CPA6: variants seen among roughly 807,000 people sequenced by gnomAD.
The protein encoded by CPA6 is carboxypeptidase A6, also known as carboxypeptidase B.
A neutral mutation model predicts 63.3 loss-of-function variants in CPA6; 58 were observed. The ratio of observed to expected loss-of-function variants is 0.92; its 90% CI spans 0.74 to 1.14. CPA6 has a LOEUF of 1.14. CPA6 is among the 50% of genes most tolerant of loss of function. CPA6 has a pLI of 0.00. For missense variants in CPA6, 565 were observed against 526.6 expected, an observed-to-expected ratio of 1.07 and a Z score of -0.71; for synonymous variants, 185 against 179.0, an observed-to-expected ratio of 1.03 and a Z score of -0.27.
chr8:67,679,693 A>T (rs1816552193), intron 1 of CPA6, among the ~76,000 whole-genome samples: 1 of 152,202 alleles, frequency 6.6e-6, no homozygotes, highest in Admixed American at 6.5e-5. Flanking sequence ...ACCAAGGGGA[A>T]CTGCTTGGCC....
chr8:67,519,680 G>A (rs1046540884), intron 2 of CPA6, among the ~76,000 whole-genome samples: 4 of 152,282 alleles, frequency 2.6e-5, no homozygotes, highest in East Asian at 3.9e-4. Flanking sequence ...AACAATCAGC[G>A]CACAACGGAA....
intron 4 of CPA6, among the ~76,000 whole-genome samples, chr8:67,511,284 C>T (rs1265138147): frequency 5.3e-5 from 8 of 152,114 alleles, no homozygotes; most frequent in African/African-American, 1.4e-4. Context: ...ATTGTGCTTC[C>T]TATGTCCTAT....
intron 8 of CPA6, among the ~76,000 whole-genome samples, chr8:67,469,451 C>T (rs541695521): frequency 3.9e-5 from 6 of 152,152 alleles, no homozygotes; most frequent in East Asian, 1.9e-4. Flanking sequence ...ACTAAAAATA[C>T]GAAAATTAGC....
chr8:67,496,154 C>G (rs1333749205), intron 6 of CPA6, among the ~76,000 whole-genome samples: 2 of 152,080 alleles, frequency 1.3e-5, no homozygotes, highest in Non-Finnish European at 2.9e-5. Flanking sequence ...TTTCTAATTC[C>G]TTAATTCCTT....
chr8:67,635,075 A>T (rs1371989905), intron 1 of CPA6, among the ~76,000 whole-genome samples: 2 of 151,272 alleles, frequency 1.3e-5, no homozygotes, highest in East Asian at 3.9e-4. Flanking sequence ...AATTTTGTAG[A>T]CAGGGTCTTG....
chr8:67,670,410 T>C (rs7002184), intron 1 of CPA6, among the ~76,000 whole-genome samples: 71,896 of 151,986 alleles, frequency 0.47, 20,215 homozygotes, highest in African/African-American at 0.8. Context: ...AAAATCCGCC[T>C]CAGTGATCCA....
intron 1 of CPA6, among the ~76,000 whole-genome samples, chr8:67,675,304 C>A (rs906227226): frequency 1.3e-5 from 2 of 152,164 alleles, no homozygotes; most frequent in African/African-American, 4.8e-5. Context: ...TTGCTCTTGG[C>A]ATTGCTGCTG....
chr8:67,584,165 A>C (rs1813857799), intron 2 of CPA6, among the ~76,000 whole-genome samples: 1 of 152,160 alleles, frequency 6.6e-6, no homozygotes, highest in Admixed American at 6.5e-5. Context: ...CTCAAAACAA[A>C]AAGAAAAAAA....
At chr8:67,579,890 C>T (rs939391471) in intron 2 of CPA6, among the ~76,000 whole-genome samples, 2 of 152,156 alleles carry the variant, frequency 1.3e-5, no homozygotes, top group Non-Finnish European at 2.9e-5. Flanking sequence ...ACCATATGGC[C>T]CTCAAACCGA....
intron 7 of CPA6, 129 bp downstream of exon 7, chr8:67,484,550 C>T (rs1268740853): frequency 5.6e-6 from 3 of 537,604 alleles, no homozygotes; most frequent in African/African-American, 3.9e-5. Flanking sequence ...AGAGTGAAGG[C>T]CTCTTTTGCA....
chr8:67,696,548 G>A (rs1194147177), intron 1 of CPA6, among the ~76,000 whole-genome samples: 1 of 151,790 alleles, frequency 6.6e-6, no homozygotes, highest in Non-Finnish European at 1.5e-5. Flanking sequence ...GAAAGCCTAT[G>A]TCCACAGAAG....
At chr8:67,614,289 T>C (rs1814886513) in intron 2 of CPA6, among the ~76,000 whole-genome samples, 1 of 152,174 alleles carries the variant, frequency 6.6e-6, no homozygotes, top group South Asian at 2.1e-4. Flanking sequence ...ACTGAACAGG[T>C]GAGACACACC....
intron 1 of CPA6, among the ~76,000 whole-genome samples, chr8:67,690,226 T>C (rs767949165): frequency 6.6e-6 from 1 of 152,200 alleles, no homozygotes; most frequent in Non-Finnish European, 1.5e-5. Context: ...TTCTATAACA[T>C]TTGATCTGGC....
chr8:67,482,162 T>A (rs797014752), intron 8 of CPA6, among the ~76,000 whole-genome samples: 1 of 152,236 alleles, frequency 6.6e-6, no homozygotes, highest in Admixed American at 6.5e-5. Context: ...TTGCACCTGA[T>A]ATAAACAGGA....
Position 67,434,179 on chromosome 8 carries a change from C to T in CPA6, c.900G>A (p.Glu300=), listed in dbSNP as rs1226643629. 1 of 1,614,160 alleles carries T rather than the reference C, an allele frequency of 6.2e-7. No individual in the cohort carries two copies. The highest frequency in any genetic ancestry group is 1.7e-5 in the Admixed American group (1 of 60,028). The change falls in exon 9 of 11, where the codon GAG becomes GAA. Residue 300 remains glutamate (E), a synonymous_variant. Coordinates refer to ENST00000297770, the MANE Select transcript of CPA6 (RefSeq NM_020361.5). The stretch of plus-strand genomic sequence containing the variant: ...AGTTAGCTACAGCCTTCACTTCCGG[C>T]TCAGATTCTGGAAAAGGGCCACAGT... ...DTYCGPFPES[E]PEVKAVANFL...
intron 1 of CPA6, among the ~76,000 whole-genome samples, chr8:67,722,242 C>A (rs932398813): frequency 1.6e-4 from 24 of 152,292 alleles, no homozygotes; most frequent in Middle Eastern, 3.4e-3. Context: ...AGCTTGACTT[C>A]ATTTACTAGA....
In CPA6 at chr8:67,712,109, G is replaced by A. The variant is rs114523678; in HGVS notation, c.116+33905C>T. On this transcript the variant is annotated intron_variant, in intron 1 of 10. Transcript: ENST00000297770. ...GTGCCACCGAGCTCGACCTGTGCAG[G>A]AGGGATGGCTCAGCCCCAGGGAACA... Among the ~76,000 whole-genome samples the A allele has an allele frequency of 7.6e-4, 115 of 152,306 alleles. 1 individual carries two copies. The highest frequency in any genetic ancestry group is 2.7e-3 in the African/African-American group (114 of 41,562).
At chr8:67,706,324 G>T (rs1247548295) in intron 1 of CPA6, among the ~76,000 whole-genome samples, 1 of 152,118 alleles carries the variant, frequency 6.6e-6, no homozygotes, top group Non-Finnish European at 1.5e-5. Context: ...GATGTCCTAG[G>T]CTCTAAATCT....
At chr8:67,440,022 G>C (rs1366237341) in intron 8 of CPA6, among the ~76,000 whole-genome samples, 3 of 152,136 alleles carry the variant, frequency 2.0e-5, no homozygotes, top group African/African-American at 7.2e-5. Context: ...TGGCAGCCTT[G>C]GTATTTGTAT....
Sources: allele counts gnomAD v4.1 joint callset (sites outside exome capture counted in the v4.1 genomes callset), GRCh38; gene constraint gnomAD v4.1.1; transcripts MANE v1.5; gene names NCBI Gene and HGNC (gene_info 2026-07-23, HGNC 2026-07-21).